The following FCRL5 variants were observed in gnomAD, a reference collection of about 807,000 sequenced individuals.
FCRL5 encodes Fc receptor-like protein 5.
In FCRL5, 79 loss-of-function variants were observed where a neutral mutation model predicts 92.1. The ratio of observed to expected loss-of-function variants is 0.86; its 90% CI spans 0.72 to 1.03. FCRL5 has a LOEUF of 1.03. FCRL5 is among the 50% of genes least tolerant of loss of function. FCRL5 has a pLI of 0.00. For synonymous variants in FCRL5, 466 were observed against 469.3 expected (o/e 0.99, Z 0.09); for missense variants, 1,160 against 1,181.1 (o/e 0.98, Z 0.26).
rs142943534 is a variant in FCRL5 at position 157,521,289 on chromosome 1, G to A, written c.2243C>T (p.Pro748Leu). The change falls in exon 11 of 17, where the codon CCG (proline) becomes CTG (leucine). Residue 748 changes from proline to leucine, a missense_variant. By Grantham distance (98) the Pro-to-Leu change is moderately conservative. Coordinates refer to ENST00000361835, the MANE Select transcript of FCRL5 (RefSeq NM_031281.3). ...GAGGGTGAGGACCGGGCGAGACACC[G>A]GAACTGAAAGAGAACAAAAAGTCAA... ...SEMVTLKVAVPVSRPVLTLRA... is the reference protein window; with the variant it reads ...SEMVTLKVAVLVSRPVLTLRA... 74 of 1,596,392 alleles carry A rather than the reference G, an allele frequency of 4.6e-5. No individual in the cohort carries two copies. The highest frequency in any genetic ancestry group is 1.6e-4 in the African/African-American group (12 of 74,032).
chr1:157,545,775 G>A (rs769045221), intron 3 of FCRL5, among the ~76,000 whole-genome samples: 12 of 152,062 alleles, frequency 7.9e-5, no homozygotes, highest in Non-Finnish European at 1.5e-4. Flanking sequence ...TGATCCACCC[G>A]CCTTGGCCTT....
chr1:157,528,597 G>A (rs1650547675), intron 8 of FCRL5: 1 of 152,204 alleles, frequency 6.6e-6, no homozygotes, highest in Admixed American at 6.5e-5. Flanking sequence ...GAACAGCATG[G>A]TACTGGTATA....
intron 2 of FCRL5, among the ~76,000 whole-genome samples, chr1:157,548,596 C>CAAAA (rs1340486775): frequency 6.6e-6 from 1 of 152,162 alleles, no homozygotes; most frequent in Non-Finnish European, 1.5e-5. Context: ...AAGAAAAATT[C>CAAAA]AAACAACCCC....
chr1:157,537,644 T>C (rs1300651757), intron 7 of FCRL5, among the ~76,000 whole-genome samples: 1 of 152,144 alleles, frequency 6.6e-6, no homozygotes, highest in Non-Finnish European at 1.5e-5. Context: ...AAATCACTAA[T>C]AAAAACTTGC....
chr1:157,539,640 C>T (rs1197270933), intron 6 of FCRL5, among the ~76,000 whole-genome samples: 1 of 152,186 alleles, frequency 6.6e-6, no homozygotes, highest in African/African-American at 2.4e-5. Context: ...TTAAATGGTT[C>T]TGTTTTACCC....
chr1:157,535,943 G>GTTTTTTTTTTTTTTTTTTTTTT (rs60191062), intron 7 of FCRL5, among the ~76,000 whole-genome samples: 1 of 90,006 alleles, frequency 1.1e-5, no homozygotes. Context: ...ATGTGACTCA[G>GTTTTTTTTTTTTTTTTTTTTTT]TTTTTTTTTT....
Position 157,534,852 on chromosome 1 carries a change from C to T in FCRL5, c.1443G>A (p.Glu481=), listed in dbSNP as rs1466728780. ...CAGTGGCTCCTTCAAAAGTCAGGGC[C>T]TCAGCAGAGCTGAGGGTGAGGACAG... ...SHPVLTLSSA[E]ALTFEGATVT... Residue 481 remains glutamate (E), a synonymous_variant, in exon 8 of 17, where the codon GAG becomes GAA. Transcript: ENST00000361835. 1 of 1,572,742 alleles carries T rather than the reference C, an allele frequency of 6.4e-7. No homozygotes were observed. Among genetic ancestry groups the T allele is most frequent in the South Asian group, 1.2e-5 (1 of 82,824 alleles).
chr1:157,547,127 G>T lies in FCRL5; in HGVS notation c.123C>A (p.Thr41=), dbSNP rs759005105. 1.2e-6 allele frequency: 2 copies of T among 1,614,062 alleles called. No individual in the cohort carries two copies. Among genetic ancestry groups the T allele is most frequent in the Admixed American group, 3.3e-5 (2 of 60,016 alleles). Residue 41 remains threonine, a synonymous_variant, in exon 3 of 17, where the codon ACC becomes ACA. Transcript: ENST00000361835. ...AGAAGCGAAATCCCTTGCAAGTGAG[G>T]GTCACTCTCTCTCCTTGGAAGACTG... ...WTTVFQGERV[T]LTCKGFRFYS... is the part of the protein sequence containing the mutation.
intron 7 of FCRL5, among the ~76,000 whole-genome samples, chr1:157,535,943 G>GTTTTTTTTTT (rs60191062): frequency 0.042 from 3,741 of 89,654 alleles, 625 homozygotes; most frequent in African/African-American, 0.1. Context: ...ATGTGACTCA[G>GTTTTTTTTTT]TTTTTTTTTT....
At chr1:157,529,630 C>G (rs886448222) in intron 8 of FCRL5, among the ~76,000 whole-genome samples, 4 of 151,896 alleles carry the variant, frequency 2.6e-5, no homozygotes, top group Admixed American at 6.6e-5. Flanking sequence ...CTATGGAATA[C>G]TACTCAGCCA....
rs1263056071 is a variant in FCRL5 at position 157,532,307 on chromosome 1, A to G, written c.1681+2307T>C. The G allele has an allele frequency of 2.6e-5, 4 of 152,038 alleles. 1 individual carries two copies. The highest frequency in any genetic ancestry group is 4.2e-4 in the South Asian group (2 of 4,804). 9.4% of individuals were successfully genotyped at this position (152,038 alleles called of 1,614,324 possible). On this transcript the variant is annotated intron_variant, in intron 8 of 16. Transcript: ENST00000361835. ...TCTCTCCTATGTGACTCTACAGGCTACTAGTTGGTTTTCCATGGAATTTTA... is the reference window on the plus strand; with the variant it reads ...TCTCTCCTATGTGACTCTACAGGCTGCTAGTTGGTTTTCCATGGAATTTTA...
At chr1:157,524,587 T>C in intron 9 of FCRL5, 30 bp from the exon 10 acceptor site, 1 of 1,541,758 alleles carries the variant, frequency 6.5e-7, no homozygotes, top group Non-Finnish European at 8.7e-7. Flanking sequence ...ATGTATCAGC[T>C]GCTTCTGCTA....
At chr1:157,531,688 G>A (rs1270264306) in intron 8 of FCRL5, among the ~76,000 whole-genome samples, 1 of 152,066 alleles carries the variant, frequency 6.6e-6, no homozygotes, top group African/African-American at 2.4e-5. Flanking sequence ...AAGACCTGGA[G>A]GATATCATAT....
chr1:157,539,426 G>C, intron 6 of FCRL5, 62 bp from the exon 7 acceptor site: 2 of 1,475,852 alleles, frequency 1.4e-6, no homozygotes, highest in Non-Finnish European at 1.8e-6. Flanking sequence ...TTTCATAAAA[G>C]GAAAATAAAT....
intron 5 of FCRL5, among the ~76,000 whole-genome samples, chr1:157,543,916 A>G (rs1443230479): frequency 2.0e-5 from 3 of 152,092 alleles, no homozygotes; most frequent in Non-Finnish European, 4.4e-5. Flanking sequence ...GACAACAGAT[A>G]CCTCTGTACA....
intron 10 of FCRL5, chr1:157,521,951 C>T (rs771070777): frequency 6.6e-6 from 1 of 152,100 alleles, no homozygotes; most frequent in Non-Finnish European, 1.5e-5. Context: ...AGCATTTTTA[C>T]AAGAGCTAAA....
rs368376488 is a variant in FCRL5 at position 157,534,751 on chromosome 1, C to T, written c.1544G>A (p.Trp515Ter). 4 of 1,613,996 alleles carry T rather than the reference C, an allele frequency of 2.5e-6. No individual in the cohort carries two copies. The highest frequency in any genetic ancestry group is 2.7e-5 in the African/African-American group (2 of 74,912). The stretch of plus-strand genomic sequence containing the variant: ...TCCCACAGAGGGTGTTGAGCTGCTC[C>T]ACAGGGGCATGTCCTCATGATAAAA... ...YQFYHEDMPL[W>*]SSSTPSVGRV... The change falls in exon 8 of 17, where the codon TGG (tryptophan) becomes TAG (stop). Residue 515 changes from tryptophan to a stop codon, truncating the protein, a stop_gained. Coordinates refer to ENST00000361835, the MANE Select transcript of FCRL5 (RefSeq NM_031281.3). LOFTEE classifies it high-confidence loss of function.
intron 1 of FCRL5, among the ~76,000 whole-genome samples, chr1:157,552,082 A>G (rs1210928998): frequency 1.3e-5 from 2 of 152,228 alleles, no homozygotes; most frequent in Non-Finnish European, 2.9e-5. Context: ...AAAAAAATAA[A>G]TGAAATTTTA....
At chr1:157,538,449 CCT>C (rs776325760) in intron 7 of FCRL5, among the ~76,000 whole-genome samples, 3 of 152,152 alleles carry the variant, frequency 2.0e-5, no homozygotes, top group Non-Finnish European at 4.4e-5. Flanking sequence ...TCAAAGGAAA[CCT>C]TTTTGATGTC....
Sources: gnomAD v4.1 joint callset for allele counts (sites outside exome capture counted in the v4.1 genomes callset) on GRCh38, gnomAD v4.1.1 for gene constraint, MANE v1.5 for transcripts, NCBI Gene and HGNC (gene_info 2026-07-23, HGNC 2026-07-21) for gene names.